The following PCDH15 variants were observed in gnomAD, a reference collection of about 807,000 sequenced individuals.
The protein encoded by PCDH15 is protocadherin-15.
PCDH15 carries 129 observed loss-of-function variants against 178.5 expected under a neutral mutation model. The observed-to-expected ratio is 0.72, with a 90% confidence interval of 0.63 to 0.84. The LOEUF is 0.84. PCDH15 is among the 40% of genes least tolerant of loss of function. PCDH15 has a pLI of 0.00. For missense variants in PCDH15, 2,230 were observed against 2,099.9 expected, an observed-to-expected ratio of 1.06 and a Z score of -1.21; for synonymous variants, 800 against 732.0, an observed-to-expected ratio of 1.09 and a Z score of -1.50.
intron 3 of PCDH15, among the ~76,000 whole-genome samples, chr10:54,431,595 G>A (rs1956975830): frequency 6.6e-6 from 1 of 152,096 alleles, no homozygotes; most frequent in Non-Finnish European, 1.5e-5. Context: ...GTGTTTAGAA[G>A]GAACTAACCT....
intron 2 of PCDH15, among the ~76,000 whole-genome samples, chr10:54,550,205 T>C (rs1467791042): frequency 6.6e-6 from 1 of 152,184 alleles, no homozygotes; most frequent in Non-Finnish European, 1.5e-5. Context: ...TGTTTTGTTT[T>C]GTTTTTGTTA....
chr10:54,719,691 C>T (rs67710817), intron 1 of PCDH15, among the ~76,000 whole-genome samples: 18,523 of 151,836 alleles, frequency 0.12, 1,263 homozygotes, highest in African/African-American at 0.17. Flanking sequence ...CGCCACCCCC[C>T]GACTGGCCCC....
chr10:54,823,264 A>T (rs1473555171), intron 3 of PCDH15, among the ~76,000 whole-genome samples: 1 of 151,634 alleles, frequency 6.6e-6, no homozygotes, highest in Non-Finnish European at 1.5e-5. Context: ...TTTAATTTTC[A>T]CTTTGCTCAG....
intron 2 of PCDH15, among the ~76,000 whole-genome samples, chr10:55,624,689 A>G (rs117346106): frequency 0.03 from 4,628 of 152,262 alleles, 107 homozygotes; most frequent in Middle Eastern, 0.088. Flanking sequence ...CACAGTGTCA[A>G]TGAACATCAC....
At chr10:55,098,962 A>G (rs192968935) in intron 2 of PCDH15, among the ~76,000 whole-genome samples, 23 of 134,530 alleles carry the variant, frequency 1.7e-4, no homozygotes, top group African/African-American at 6.2e-4. Context: ...TCTTTTGCCT[A>G]TTAAACCTCT....
At chr10:53,912,607 C>T (rs2083190764) in intron 25 of PCDH15, among the ~76,000 whole-genome samples, 1 of 152,174 alleles carries the variant, frequency 6.6e-6, no homozygotes, top group Non-Finnish European at 1.5e-5. Flanking sequence ...TCTCAGGATA[C>T]AAAATCAATG....
At position 55,325,886 on chromosome 10, in the gene PCDH15, G is replaced by A. The variant is rs114698168; in HGVS notation, c.-155-159235C>T. ...TCAGAATCCATAAAGAACTTAAGTC[G>A]ACAAGCATAAAAGAAACAACCCCAT... On this transcript the variant is annotated intron_variant, in intron 2 of 5. Transcript: ENST00000613346. 5.8e-3 allele frequency among the ~76,000 whole-genome samples: 877 copies of A among 151,840 alleles called. 11 individuals carry two copies. The highest frequency in any genetic ancestry group is 0.02 in the African/African-American group (832 of 41,452).
Position 53,823,263 on chromosome 10 carries a change from T to C in PCDH15, c.4368-3033A>G, listed in dbSNP as rs201534861. ...AGCTGACTTGTGAGCCTCAATAGTA[T>C]TGGAAGAAAAGGGCATCACAACTTG... On this transcript the variant is annotated intron_variant, in intron 32 of 37. Transcript: ENST00000644397. 3.1e-5 allele frequency: 50 copies of C among 1,614,050 alleles called. No homozygotes were observed. In the East Asian group the frequency reaches 8.0e-4, roughly 26 times the overall value.
intron 3 of PCDH15, among the ~76,000 whole-genome samples, chr10:54,881,829 T>C (rs1486556896): frequency 6.6e-6 from 1 of 152,184 alleles, no homozygotes; most frequent in Non-Finnish European, 1.5e-5. Context: ...GTTTTAAGTA[T>C]TAAAAATATA....
chr10:53,973,324 G>A (rs2089914984), intron 21 of PCDH15, among the ~76,000 whole-genome samples: 1 of 150,968 alleles, frequency 6.6e-6, no homozygotes, highest in South Asian at 2.1e-4. Context: ...ATAGCATTAG[G>A]AGATATACCT....
intron 3 of PCDH15, among the ~76,000 whole-genome samples, chr10:54,479,010 A>G (rs1485745476): frequency 6.6e-6 from 1 of 151,832 alleles, no homozygotes; most frequent in African/African-American, 2.4e-5. Context: ...GAAAAGAAAA[A>G]AAAAAAAAAG....
At chr10:53,953,654 G>A (rs2087312989) in intron 23 of PCDH15, among the ~76,000 whole-genome samples, 1 of 152,124 alleles carries the variant, frequency 6.6e-6, no homozygotes, top group South Asian at 2.1e-4. Flanking sequence ...CTTGAGAAAT[G>A]TGTTTTTAAA....
intron 18 of PCDH15, among the ~76,000 whole-genome samples, chr10:54,037,212 T>C (rs2093436210): frequency 6.6e-6 from 1 of 151,968 alleles, no homozygotes; most frequent in African/African-American, 2.4e-5. Flanking sequence ...GAATATTTTA[T>C]ATACTTTGCA....
intron 2 of PCDH15, among the ~76,000 whole-genome samples, chr10:55,008,303 A>C (rs1039961285): frequency 6.6e-6 from 1 of 152,122 alleles, no homozygotes; most frequent in African/African-American, 2.4e-5. Context: ...CTCTATGGGC[A>C]CATGTCAGTA....
chr10:55,070,202 C>T lies in PCDH15; in HGVS notation c.-80+96374G>A, dbSNP rs529166755. 4.2e-4 allele frequency among the ~76,000 whole-genome samples: 64 copies of T among 151,974 alleles called. 1 individual carries two copies. Among genetic ancestry groups the T allele is most frequent in the South Asian group, 2.7e-3 (13 of 4,818 alleles). The stretch of plus-strand genomic sequence containing the variant: ...AGCCCTTTGTCAGATGAGTAGGTTG[C>T]GAAAATTTTCTTCCATTCTGTAGGT... On this transcript the variant is annotated intron_variant, in intron 2 of 5. Coordinates refer to the PCDH15 transcript ENST00000458638.
chr10:55,363,213 C>T (rs1845271684), intron 2 of PCDH15, among the ~76,000 whole-genome samples: 1 of 152,178 alleles, frequency 6.6e-6, no homozygotes, highest in Non-Finnish European at 1.5e-5. Flanking sequence ...TCAGTACATT[C>T]TTACATGTAT....
intron 3 of PCDH15, among the ~76,000 whole-genome samples, chr10:54,476,799 C>A (rs997938986): frequency 1.3e-4 from 20 of 152,236 alleles, no homozygotes; most frequent in African/African-American, 4.6e-4. Context: ...TATGAATGAA[C>A]AAGCATACAG....
At chr10:54,968,078 TATGACC>T (rs1564673543) in intron 2 of PCDH15, among the ~76,000 whole-genome samples, 3 of 152,154 alleles carry the variant, frequency 2.0e-5, no homozygotes, top group Admixed American at 1.3e-4. Context: ...CATAACCATT[TATGACC>T]ATTTGCATTA....
intron 26 of PCDH15, among the ~76,000 whole-genome samples, chr10:53,874,954 G>C (rs1371605977): frequency 1.3e-5 from 2 of 152,002 alleles, no homozygotes; most frequent in Non-Finnish European, 2.9e-5. Context: ...AGCAGGTTAA[G>C]CGCAGCTGAC....
Sources: gnomAD v4.1 joint callset for allele counts (sites outside exome capture counted in the v4.1 genomes callset) on GRCh38, gnomAD v4.1.1 for gene constraint, MANE v1.5 for transcripts, NCBI Gene and HGNC (gene_info 2026-07-23, HGNC 2026-07-21) for gene names.